FOCAD: variants seen among roughly 807,000 people sequenced by gnomAD.
FOCAD encodes the protein KIAA1797.
A neutral mutation model predicts 225.6 loss-of-function variants in FOCAD; 198 were observed. The observed-to-expected ratio is 0.88, with a 90% CI of 0.78 to 0.99. FOCAD has a LOEUF of 0.99. Ranked by LOEUF, FOCAD falls within the 50% of genes least tolerant of loss-of-function variation. The pLI is 0.00. For missense variants in FOCAD, 2,713 were observed against 2,123.6 expected, an observed-to-expected ratio of 1.28 and a Z score of -5.46; for synonymous variants, 897 against 755.0, an observed-to-expected ratio of 1.19 and a Z score of -3.08.
Position 20,892,580 on chromosome 9 carries a change from G to A in FOCAD, c.2625+7350G>A, listed in dbSNP as rs536519787. Among the ~76,000 whole-genome samples, 4 of 152,220 alleles carry A rather than the reference G, an allele frequency of 2.6e-5. No homozygotes were observed. In the South Asian group the frequency reaches 8.3e-4, roughly 32 times the overall value. ...AGAATTAGAAGTAGAGCCTGAGGAT[G>A]TGACTGAACTGCTACCGTCATGAGG... On this transcript the variant is annotated intron_variant, in intron 21 of 43. Transcript: ENST00000338382.
chr9:20,898,263 G>T lies in FOCAD; in HGVS notation c.2626-8887G>T, dbSNP rs548079684. On this transcript the variant is annotated intron_variant, in intron 21 of 43. Transcript: ENST00000338382. The stretch of plus-strand genomic sequence containing the variant: ...TGTTGTCTGAGCCTCCTATAACTGT[G>T]GTTTGATGTCTGACATTAATTTGGG... 2.0e-5 allele frequency among the ~76,000 whole-genome samples: 3 copies of T among 151,298 alleles called. No individual in the cohort carries two copies. In the South Asian group the frequency reaches 6.3e-4, roughly 32 times the overall value.
intron 35 of FOCAD, among the ~76,000 whole-genome samples, chr9:20,971,119 C>T (rs1195929163): frequency 6.6e-6 from 1 of 152,086 alleles, no homozygotes; most frequent in East Asian, 1.9e-4. Context: ...CAGTGATTAG[C>T]TAGTGCTGAC....
intron 40 of FOCAD, among the ~76,000 whole-genome samples, chr9:20,987,153 C>T (rs930617528): frequency 4.6e-5 from 7 of 152,144 alleles, no homozygotes; most frequent in African/African-American, 1.4e-4. Context: ...ATTGCTTATG[C>T]TTCTGTGCCT....
rs184955453 is a variant in FOCAD, at chr9:20,672,292, A to G, written c.-78+13466A>G. Among the ~76,000 whole-genome samples, 18 of 152,346 alleles carry G rather than the reference A, an allele frequency of 1.2e-4. No homozygotes were observed. The East Asian group carries it at 3.3e-3, about 28-fold the overall frequency. On this transcript the variant is annotated intron_variant, in intron 2 of 45. Coordinates refer to the FOCAD transcript ENST00000380249. ...AAGTGAGAAGTATGGTATAATTTTT[A>G]TAAAGTTTTCCATTGAAAATTAATT...
chr9:20,878,897 T>A (rs991248301), intron 19 of FOCAD, among the ~76,000 whole-genome samples: 1 of 152,160 alleles, frequency 6.6e-6, no homozygotes, highest in Non-Finnish European at 1.5e-5. Context: ...TAAAGGCTGT[T>A]GAGCCTGGAG....
At position 20,781,788 on chromosome 9, in the gene FOCAD, G is replaced by A; in HGVS notation, c.1056G>A (p.Val352=). 6.2e-7 allele frequency: 1 copy of A among 1,614,106 alleles called. No individual in the cohort carries two copies. Among genetic ancestry groups the A allele is most frequent in the Non-Finnish European group, 8.5e-7 (1 of 1,180,010 alleles). Reference sequence around the variant, plus strand: ...TCCCAAAGTCCTCTCTGCTGCTAGTGATGCCAATTCTGCAGATACTATCTT... The same window carrying A: ...TCCCAAAGTCCTCTCTGCTGCTAGTAATGCCAATTCTGCAGATACTATCTT... ...QKIPKSSLLL[V]MPILQILSST... is the part of the protein sequence containing the mutation. The change falls in exon 10 of 44, where the codon GTG becomes GTA. Residue 352 remains valine (V), a synonymous_variant. Coordinates refer to ENST00000338382, the MANE Select transcript of FOCAD (RefSeq NM_001375567.1).
chr9:20,826,847 G>A lies in FOCAD; in HGVS notation c.1920+3732G>A, dbSNP rs117646702. 9.7e-3 allele frequency among the ~76,000 whole-genome samples: 1,474 copies of A among 152,000 alleles called. 42 individuals are homozygous for A. Among genetic ancestry groups the A allele is most frequent in the Admixed American group, 0.046 (708 of 15,246 alleles). ...AAGTAGTAGTTTTATTTATCATTAC[G>A]CTATGAGTTTGTCATTTTCAAAGGA... On this transcript the variant is annotated intron_variant, in intron 15 of 43. Transcript: ENST00000338382.
intron 4 of FOCAD, among the ~76,000 whole-genome samples, chr9:20,730,027 A>G (rs1287673513): frequency 6.6e-6 from 1 of 152,160 alleles, no homozygotes; most frequent in African/African-American, 2.4e-5. Flanking sequence ...TAAGGAAGAA[A>G]ACTAGCCTTT....
intron 19 of FOCAD, among the ~76,000 whole-genome samples, chr9:20,879,727 A>T (rs1177457669): frequency 6.6e-6 from 1 of 152,208 alleles, no homozygotes; most frequent in African/African-American, 2.4e-5. Context: ...TTGCTAACTT[A>T]GTATTTACGG....
intron 2 of FOCAD, among the ~76,000 whole-genome samples, chr9:20,667,802 C>A (rs1395113037): frequency 6.6e-6 from 1 of 152,072 alleles, no homozygotes; most frequent in Non-Finnish European, 1.5e-5. Context: ...ACAACAGCAA[C>A]ATCAACAAAA....
upstream of FOCAD, among the ~76,000 whole-genome samples, chr9:20,680,029 A>G (rs957303654): frequency 1.3e-4 from 20 of 152,370 alleles, no homozygotes; most frequent in Middle Eastern, 3.4e-3. Context: ...AGGTTCGCCC[A>G]ACTAAGTTAA....
At position 20,724,121 on chromosome 9, in the gene FOCAD, G is replaced by C. The variant is rs181860911; in HGVS notation, c.287+3587G>C. 1.2e-4 allele frequency among the ~76,000 whole-genome samples: 19 copies of C among 152,216 alleles called. 1 individual carries two copies. The highest frequency in any genetic ancestry group is 2.8e-4 in the Non-Finnish European group (19 of 68,006). On this transcript the variant is annotated intron_variant, in intron 4 of 43. Transcript: ENST00000338382. Reference sequence around the variant, plus strand: ...CCCGTAATTCATTCACCCCCTACCAGGCCTCATCTCCAACATTTAGAATCA... The same window carrying C: ...CCCGTAATTCATTCACCCCCTACCACGCCTCATCTCCAACATTTAGAATCA...
At chr9:20,882,191 C>A in intron 20 of FOCAD, 135 bp downstream of exon 20, 3 of 759,258 alleles carry the variant, frequency 4.0e-6, no homozygotes, top group Non-Finnish European at 6.3e-6. Flanking sequence ...TAAAAATCAT[C>A]GCACTTTAAA....
intron 28 of FOCAD, among the ~76,000 whole-genome samples, chr9:20,943,025 T>C (rs1459575337): frequency 6.6e-6 from 1 of 152,224 alleles, no homozygotes; most frequent in Non-Finnish European, 1.5e-5. Flanking sequence ...TAATTATATC[T>C]TTGGTCTAAT....
upstream of FOCAD, chr9:20,683,730 G>T: frequency 6.6e-6 from 1 of 152,378 alleles, no homozygotes; most frequent in Non-Finnish European, 1.5e-5. Context: ...GTTATGTGTT[G>T]GCCAAATGAA....
intron 4 of FOCAD, among the ~76,000 whole-genome samples, chr9:20,738,728 A>G (rs1827355328): frequency 6.6e-6 from 1 of 152,212 alleles, no homozygotes; most frequent in Admixed American, 6.5e-5. Context: ...TTGAGTGTCT[A>G]CAGCAGTGCT....
chr9:20,941,535 A>G (rs945085757), intron 28 of FOCAD, among the ~76,000 whole-genome samples: 6 of 152,220 alleles, frequency 3.9e-5, no homozygotes, highest in African/African-American at 7.2e-5. Context: ...TAAAAAATAT[A>G]TATCTGAGTT....
At chr9:20,675,234 A>G (rs1426104534) in intron 2 of FOCAD, among the ~76,000 whole-genome samples, 1 of 152,208 alleles carries the variant, frequency 6.6e-6, no homozygotes, top group African/African-American at 2.4e-5. Flanking sequence ...TAGGCAAACT[A>G]TAGTCTGTGG....
Position 20,866,917 on chromosome 9 carries a change from T to TTTTTTAAAA in FOCAD, c.2107-12_2107-11insTTTTTAAAA. The TTTTTTAAAA allele has an allele frequency of 1.3e-6, 1 of 764,972 alleles. No homozygotes were observed. The highest frequency in any genetic ancestry group is 2.0e-6 in the Non-Finnish European group (1 of 498,468). The allele number at this position is 764,972 out of a possible 1,614,324, so 47.4% of individuals were successfully genotyped here. ...TTTTTTTTTTTTTTTTTTTTTTTTTTACCCTATCTAGGACCCAATTGTAGC... is the reference window on the plus strand; with the variant it reads ...TTTTTTTTTTTTTTTTTTTTTTTTTTTTTTTAAAAACCCTATCTAGGACCCAATTGTAGC... On this transcript the variant is annotated splice_polypyrimidine_tract_variant and intron_variant, in intron 17 of 43. Transcript: ENST00000338382.
Sources: gnomAD v4.1 joint callset for allele counts (sites outside exome capture counted in the v4.1 genomes callset) on GRCh38, gnomAD v4.1.1 for gene constraint, MANE v1.5 for transcripts, NCBI Gene and HGNC (gene_info 2026-07-23, HGNC 2026-07-21) for gene names.